The following MAST4 variants were observed in gnomAD, a reference collection of about 807,000 sequenced individuals.
The protein encoded by MAST4 is microtubule associated serine/threonine kinase family member 4.
MAST4 carries 89 observed loss-of-function variants against 162.7 expected under a neutral mutation model. That is an observed-to-expected ratio of 0.55 (90% confidence interval 0.46 to 0.65). The LOEUF (loss-of-function observed/expected upper bound fraction) is 0.65. MAST4 is among the 30% of genes least tolerant of loss of function. MAST4 has a pLI of 0.00. For missense variants in MAST4, 3,153 were observed against 3,374.0 expected, an observed-to-expected ratio of 0.93 and a Z score of 1.62; for synonymous variants, 1,479 against 1,361.1, an observed-to-expected ratio of 1.09 and a Z score of -1.91.
At chr5:67,158,032 T>G (rs748022645) in intron 26 of MAST4, among the ~76,000 whole-genome samples, 1 of 152,180 alleles carries the variant, frequency 6.6e-6, no homozygotes, top group Non-Finnish European at 1.5e-5. Flanking sequence ...GTCCACTCTC[T>G]GCATATGGAA....
At position 66,613,914 on chromosome 5, in the gene MAST4, G is replaced by A. The variant is rs183228846; in HGVS notation, c.363+16896G>A. 1.7e-4 allele frequency among the ~76,000 whole-genome samples: 26 copies of A among 149,196 alleles called. No individual in the cohort carries two copies. In the East Asian group the frequency reaches 4.4e-3, roughly 25 times the overall value. ...AAAATTCCTTCCTCACAGGGTTAGT[G>A]GATGCCAGTCATGGTTTACTGGTAT... On this transcript the variant is annotated intron_variant, in intron 1 of 28. Transcript: ENST00000403625.
At chr5:66,866,084 A>AT (rs1760498350) in intron 3 of MAST4, among the ~76,000 whole-genome samples, 1 of 151,828 alleles carries the variant, frequency 6.6e-6, no homozygotes, top group East Asian at 1.9e-4. Context: ...CAAAAAAAAA[A>AT]AAAAAAAATC....
At chr5:66,711,679 A>G (rs911363320) in intron 1 of MAST4, among the ~76,000 whole-genome samples, 1 of 152,124 alleles carries the variant, frequency 6.6e-6, no homozygotes, top group African/African-American at 2.4e-5. Context: ...CACTAAAAAT[A>G]CAAGAATTAG....
intron 4 of MAST4, among the ~76,000 whole-genome samples, chr5:66,920,683 G>A (rs1339543683): frequency 6.6e-6 from 1 of 152,014 alleles, no homozygotes; most frequent in African/African-American, 2.4e-5. Context: ...TAGAGACAGG[G>A]TTTCTCCGTG....
chr5:67,163,123 C>A lies in MAST4; in HGVS notation c.3968-24C>A, dbSNP rs1561196062. The A allele has an allele frequency of 6.3e-7, 1 of 1,582,254 alleles. No homozygotes were observed. The highest frequency in any genetic ancestry group is 1.7e-5 in the Admixed American group (1 of 58,252). ...AGGGGAAAATGACCATGGATGCTCA[C>A]AGCCTTCTGTTTTCCATCCACAGGT... On this transcript the variant is annotated intron_variant, in intron 28 of 28. Coordinates refer to ENST00000403625, the MANE Select transcript of MAST4 (RefSeq NM_001164664.2). This position sits in a 1 kb window ranked among gnomAD's most constrained non-coding sequence, Gnocchi z 7.0.
At chr5:66,847,952 G>C (rs1759006541) in intron 3 of MAST4, among the ~76,000 whole-genome samples, 1 of 151,632 alleles carries the variant, frequency 6.6e-6, no homozygotes. Flanking sequence ...AAGAAATCAA[G>C]TTCTTACAGC....
chr5:66,882,582 T>G (rs1385504625), intron 3 of MAST4, among the ~76,000 whole-genome samples: 1 of 152,196 alleles, frequency 6.6e-6, no homozygotes, highest in Non-Finnish European at 1.5e-5. Flanking sequence ...GGCTAGATTT[T>G]TCTTTTTTGT....
chr5:66,596,700 C>A lies in MAST4; in HGVS notation c.45C>A (p.Gly15=). Residue 15 remains glycine, a synonymous_variant, in exon 1 of 29, where the codon GGC becomes GGA. Coordinates refer to ENST00000403625, the MANE Select transcript of MAST4 (RefSeq NM_001164664.2). ...AGGCGCCAGAGCCGGTGCCCCGCGG[C>A]TGCAGTGGCCACGGCAGCCGGACTC... is the stretch of plus-strand genomic sequence containing the variant. ...VSEAPEPVPR[G]CSGHGSRTPA... 1 of 1,469,086 alleles carries A rather than the reference C, an allele frequency of 6.8e-7. No homozygotes were observed. The highest frequency in any genetic ancestry group is 2.4e-5 in the Admixed American group (1 of 41,296). 91.0% of individuals were successfully genotyped at this position (1,469,086 alleles called of 1,614,324 possible).
rs762733756 is a variant in MAST4, at chr5:66,759,832, A to G, written c.487A>G (p.Arg163Gly). The change falls in exon 2 of 29, where the codon AGG (arginine) becomes GGG (glycine). Residue 163 changes from arginine (R) to glycine (G), a missense_variant. Arg to Gly is a moderately radical substitution (Grantham distance 125). Coordinates refer to ENST00000403625, the MANE Select transcript of MAST4 (RefSeq NM_001164664.2). ...GCTGAGTGAGGATGGAAGACAGCTA[A>G]GGCGAGGGAGCCTGGGAGGAGCCCT... ...RQLSEDGRQL[R>G]RGSLGGALTG... 1.2e-6 allele frequency: 2 copies of G among 1,613,960 alleles called. No homozygotes were observed. The highest frequency in any genetic ancestry group is 3.3e-5 in the Admixed American group (2 of 60,024).
At chr5:67,118,978 T>G (rs1767252839) in intron 13 of MAST4, among the ~76,000 whole-genome samples, 1 of 152,134 alleles carries the variant, frequency 6.6e-6, no homozygotes, top group African/African-American at 2.4e-5. Context: ...AAATGGCACT[T>G]GAGCTAAATG....
intron 8 of MAST4, among the ~76,000 whole-genome samples, chr5:67,100,880 A>C (rs1475722429): frequency 6.6e-6 from 1 of 152,262 alleles, no homozygotes; most frequent in African/African-American, 2.4e-5. Context: ...AAGGCAGTGC[A>C]AAAGCAGTTA....
At position 66,626,654 on chromosome 5, in the gene MAST4, G is replaced by A. The variant is rs1366790263; in HGVS notation, c.363+29636G>A. Reference sequence around the variant, plus strand: ...TTAAAGACTGTAAGCAGTGTTTCCTGTATCTTATAAGACAAATGCTTTAGT... The same window carrying A: ...TTAAAGACTGTAAGCAGTGTTTCCTATATCTTATAAGACAAATGCTTTAGT... On this transcript the variant is annotated intron_variant, in intron 1 of 28. Transcript: ENST00000403625. Among the ~76,000 whole-genome samples, 3 of 152,188 alleles carry A rather than the reference G, an allele frequency of 2.0e-5. No homozygotes were observed. The East Asian group carries it at 5.8e-4, about 29-fold the overall frequency.
chr5:67,089,327 A>G (rs1052741813), intron 5 of MAST4, among the ~76,000 whole-genome samples: 10 of 152,152 alleles, frequency 6.6e-5, no homozygotes, highest in African/African-American at 2.4e-4. Context: ...TTTCTCAATG[A>G]TCAGCAGCAG....
At chr5:66,627,387 G>T (rs1198394821) in intron 1 of MAST4, among the ~76,000 whole-genome samples, 1 of 152,128 alleles carries the variant, frequency 6.6e-6, no homozygotes, top group Non-Finnish European at 1.5e-5. Flanking sequence ...CCATATGAAG[G>T]TTTAAAAGGA....
chr5:66,961,431 T>C, intron 4 of MAST4, among the ~76,000 whole-genome samples: 1 of 152,246 alleles, frequency 6.6e-6, no homozygotes, highest in East Asian at 1.9e-4. Context: ...TTTTATGCTC[T>C]GTAGATGCAA....
At chr5:67,123,606 A>C (rs17221226) in intron 14 of MAST4, among the ~76,000 whole-genome samples, 33,378 of 152,088 alleles carry the variant, frequency 0.22, 3,768 homozygotes, top group Middle Eastern at 0.26. Flanking sequence ...TCTCTCTATA[A>C]GGTATCCATT....
chr5:66,639,369 A>G (rs1167096969), intron 1 of MAST4, among the ~76,000 whole-genome samples: 1 of 151,894 alleles, frequency 6.6e-6, no homozygotes, highest in Non-Finnish European at 1.5e-5. Flanking sequence ...AGAAGGAAAC[A>G]TAGAAGAGGA....
chr5:66,975,799 G>C (rs1748072690), intron 4 of MAST4, among the ~76,000 whole-genome samples: 1 of 152,108 alleles, frequency 6.6e-6, no homozygotes, highest in African/African-American at 2.4e-5. Flanking sequence ...TTCAAGACCA[G>C]CCTGGCCAAT....
At chr5:67,127,511 GT>G (rs1249195456) in intron 14 of MAST4, among the ~76,000 whole-genome samples, 2 of 152,146 alleles carry the variant, frequency 1.3e-5, no homozygotes, top group Non-Finnish European at 2.9e-5. Context: ...TTTGTGGTTG[GT>G]TCTGTTTTGG....
Sources: gnomAD v4.1 joint callset for allele counts (sites outside exome capture counted in the v4.1 genomes callset) on GRCh38, gnomAD v4.1.1 for gene constraint, Gnocchi (gnomAD v3.1) non-coding constraint, MANE v1.5 for transcripts, NCBI Gene and HGNC (gene_info 2026-07-23, HGNC 2026-07-21) for gene names.